KHDC1: variants seen among roughly 807,000 people sequenced by gnomAD.
KHDC1 encodes KH homology domain-containing protein 1.
A neutral mutation model predicts 24.7 loss-of-function variants in KHDC1; 21 were observed. That is an observed-to-expected ratio of 0.85 (90% CI 0.60 to 1.23). KHDC1 has a LOEUF of 1.23. Among genes scored for constraint, KHDC1 ranks in the 50% most tolerant of loss-of-function variants. KHDC1 has a pLI of 0.00. For missense variants in KHDC1, 274 were observed against 298.5 expected (o/e 0.92, Z 0.61); for synonymous variants, 98 against 111.7 (o/e 0.88, Z 0.77).
chr6:73,265,895 T>C (rs1767072306), intron 2 of KHDC1, among the ~76,000 whole-genome samples: 1 of 152,174 alleles, frequency 6.6e-6, no homozygotes, highest in African/African-American at 2.4e-5. Context: ...GAGACCAGCC[T>C]GGGCAACATG....
At chr6:73,280,681 C>G (rs1176387518) in intron 2 of KHDC1, among the ~76,000 whole-genome samples, 6 of 151,722 alleles carry the variant, frequency 4.0e-5, no homozygotes, top group African/African-American at 1.5e-4. Flanking sequence ...CCACCACACA[C>G]AGCTAATTTT....
At chr6:73,309,456 C>G in intron 1 of KHDC1, 3 of 1,264,784 alleles carry the variant, frequency 2.4e-6, no homozygotes, top group Non-Finnish European at 3.2e-6. Flanking sequence ...GACTAAGGAG[C>G]TGGAGTGATC....
intron 2 of KHDC1, among the ~76,000 whole-genome samples, chr6:73,252,733 C>CT (rs1766803412): frequency 6.6e-6 from 1 of 151,754 alleles, no homozygotes; most frequent in African/African-American, 2.4e-5. Flanking sequence ...TGGAGAATGG[C>CT]TTGAGTCTGG....
At chr6:73,244,703 G>C (rs1413456832) in intron 2 of KHDC1, among the ~76,000 whole-genome samples, 2 of 87,370 alleles carry the variant, frequency 2.3e-5, no homozygotes, top group East Asian at 2.8e-4. Flanking sequence ...GCGGGGGGGC[G>C]GGGGGGGGCT....
chr6:73,297,527 C>A (rs574543009), intron 1 of KHDC1, among the ~76,000 whole-genome samples: 1 of 152,038 alleles, frequency 6.6e-6, no homozygotes, highest in African/African-American at 2.4e-5. Context: ...AAATTCCAAA[C>A]GTAGATTTGC....
Position 73,303,159 on chromosome 6 carries a change from A to T in KHDC1, c.163+6393T>A, listed in dbSNP as rs114735824. Among the ~76,000 whole-genome samples, 583 of 152,340 alleles carry T rather than the reference A, an allele frequency of 3.8e-3. 7 individuals carry two copies. Among genetic ancestry groups the T allele is most frequent in the African/African-American group, 0.013 (540 of 41,572 alleles). On this transcript the variant is annotated intron_variant, in intron 1 of 4. Transcript: ENST00000370384. Reference sequence around the variant, plus strand: ...GAGGATATTATGTTAAGTGAAATAAACCAGGCACAGAAAGAAAAATATCTC... The same window carrying T: ...GAGGATATTATGTTAAGTGAAATAATCCAGGCACAGAAAGAAAAATATCTC...
chr6:73,307,846 C>A (rs546382745), intron 1 of KHDC1, among the ~76,000 whole-genome samples: 1 of 152,268 alleles, frequency 6.6e-6, no homozygotes, highest in South Asian at 2.1e-4. Context: ...CTCTGTGCCT[C>A]ACCCCCAGAG....
At chr6:73,251,318 T>C (rs1766773627) in intron 2 of KHDC1, among the ~76,000 whole-genome samples, 1 of 152,218 alleles carries the variant, frequency 6.6e-6, no homozygotes, top group Non-Finnish European at 1.5e-5. Flanking sequence ...ACAGAAATCC[T>C]ATTAATACAA....
chr6:73,288,381 G>A (rs898194652), intron 2 of KHDC1, among the ~76,000 whole-genome samples: 1 of 152,218 alleles, frequency 6.6e-6, no homozygotes, highest in African/African-American at 2.4e-5. Context: ...ACCACTTTGG[G>A]AGGCCAAGGT....
rs1158620688 is a variant in KHDC1, at chr6:73,272,856, C to CTT, written c.206+19140_206+19141dup. On this transcript the variant is annotated intron_variant, in intron 2 of 4. Coordinates refer to ENST00000370384, the Ensembl canonical transcript of KHDC1. ...ATAATTTTTTCTTTTCTTTTCTTTT[C>CTT]TTTTTCTTTTTTTTTTTTTGGAGAT... Among the ~76,000 whole-genome samples the CTT allele has an allele frequency of 1.1e-3, 152 of 135,290 alleles. 4 individuals are homozygous for CTT. Among genetic ancestry groups the CTT allele is most frequent in the African/African-American group, 2.9e-3 (97 of 33,078 alleles). The allele number at this position is 135,290 out of a possible 152,430, so 88.8% of individuals were successfully genotyped here. A position where few individuals can be genotyped will look rare whatever the true frequency, so the allele number is the denominator to read the frequency against.
chr6:73,309,439 G>C lies in KHDC1; in HGVS notation c.163+113C>G, dbSNP rs930401537. The C allele has an allele frequency of 8.4e-6, 9 of 1,076,830 alleles. No individual in the cohort carries two copies. In the African/African-American group the frequency reaches 1.5e-4, roughly 17 times the overall value. 66.7% of individuals were successfully genotyped at this position (1,076,830 alleles called of 1,614,324 possible). A position where few individuals can be genotyped will look rare whatever the true frequency, so the allele number is the denominator to read the frequency against. On this transcript the variant is annotated intron_variant, in intron 1 of 4. Coordinates refer to ENST00000370384, the Ensembl canonical transcript of KHDC1. ...ATGGTGATTTGCAGAACTGTCCTAG[G>C]CCTTCAGACTAAGGAGCTGGAGTGA...
At chr6:73,273,051 G>A (rs905922038) in intron 2 of KHDC1, among the ~76,000 whole-genome samples, 1 of 151,348 alleles carries the variant, frequency 6.6e-6, no homozygotes, top group African/African-American at 2.4e-5. Context: ...TAGAGATGGG[G>A]TTTCACCATG....
chr6:73,254,521 C>A (rs917256395), intron 2 of KHDC1, among the ~76,000 whole-genome samples: 6 of 150,880 alleles, frequency 4.0e-5, no homozygotes, highest in Admixed American at 3.3e-4. Context: ...TAAAAGACTA[C>A]GTAGCTATAA....
At chr6:73,243,161 T>C (rs539474987) in intron 2 of KHDC1, among the ~76,000 whole-genome samples, 24 of 151,408 alleles carry the variant, frequency 1.6e-4, no homozygotes, top group African/African-American at 5.9e-4. Context: ...ATTAATGTGG[T>C]CTTCATTGTG....
At chr6:73,310,111 G>C (rs972352392) in exon 1 of KHDC1, 1 of 202,318 alleles carries the variant, frequency 4.9e-6, no homozygotes, top group Non-Finnish European at 1.0e-5. Flanking sequence ...CCCGGAGAAC[G>C]GAGCAGCATC....
At chr6:73,242,382 G>C in intron 3 of KHDC1, 24 bp downstream of exon 2, 1 of 1,613,984 alleles carries the variant, frequency 6.2e-7, no homozygotes, top group Non-Finnish European at 8.5e-7. Context: ...GATGAAGAAG[G>C]GGACGTGGGC....
intron 2 of KHDC1, among the ~76,000 whole-genome samples, chr6:73,278,233 T>G (rs1767338215): frequency 6.6e-6 from 1 of 150,484 alleles, no homozygotes; most frequent in African/African-American, 2.4e-5. Flanking sequence ...GCCAGGCTGG[T>G]CTCAAACTCC....
chr6:73,241,869 C>T, intron 4 of KHDC1, 141 bp from the exon 4 acceptor site: 1 of 1,070,252 alleles, frequency 9.3e-7, no homozygotes, highest in South Asian at 1.6e-5. Flanking sequence ...CACCTCCCAG[C>T]TACCTCTCCA....
At chr6:73,241,943 C>A in intron 4 of KHDC1, 112 bp downstream of exon 3, 2 of 1,229,144 alleles carry the variant, frequency 1.6e-6, no homozygotes. Context: ...CTCTGGGAAG[C>A]ACTTGGATTC....
Sources: gnomAD v4.1 joint callset for allele counts (sites outside exome capture counted in the v4.1 genomes callset) on GRCh38, gnomAD v4.1.1 for gene constraint, MANE v1.5 for transcripts, NCBI Gene and HGNC (gene_info 2026-07-23, HGNC 2026-07-21) for gene names.